Variants in CLYBL observed in about 807,000 individuals in gnomAD.
CLYBL encodes the protein citramalyl-CoA lyase, mitochondrial.
CLYBL carries 31 observed loss-of-function variants against 38.9 expected under a neutral mutation model. The observed-to-expected ratio is 0.80, with a 90% CI of 0.60 to 1.08. The LOEUF is 1.08. Ranked by LOEUF, CLYBL falls within the 50% of genes least tolerant of loss-of-function variation. The pLI, the probability that CLYBL is intolerant of heterozygous loss-of-function variation, is 0.00. For synonymous variants in CLYBL, 171 were observed against 158.6 expected (o/e 1.08, Z -0.59); for missense variants, 434 against 411.6 (o/e 1.05, Z -0.47).
intron 2 of CLYBL, among the ~76,000 whole-genome samples, chr13:99,797,526 T>A (rs970354846): frequency 6.9e-6 from 1 of 145,898 alleles, no homozygotes; most frequent in African/African-American, 2.6e-5. Flanking sequence ...TGTATTAATA[T>A]ATAAAAGATT....
rs57244403 is a variant in CLYBL, at chr13:99,613,025, GATAATA to G, written c.62+6303_62+6308del. ...GCAAAGCTCTATTAAAAATAGTGATGATAATAATAATAATAATAATAATAATAATAA... is the reference window on the plus strand; with the variant it reads ...GCAAAGCTCTATTAAAAATAGTGATGATAATAATAATAATAATAATAATAA... On this transcript the variant is annotated intron_variant, in intron 1 of 8. Transcript: ENST00000339105. Among the ~76,000 whole-genome samples, 315 of 44,624 alleles carry G rather than the reference GATAATA, an allele frequency of 7.1e-3. 2 individuals carry two copies. The highest frequency in any genetic ancestry group is 0.02 in the Middle Eastern group (1 of 50). 29.3% of individuals were successfully genotyped at this position (44,624 alleles called of 152,430 possible).
chr13:99,756,833 A>G (rs1225749033), intron 1 of CLYBL, among the ~76,000 whole-genome samples: 1 of 152,226 alleles, frequency 6.6e-6, no homozygotes, highest in Non-Finnish European at 1.5e-5. Context: ...ACTAAATTGT[A>G]TCTTCAAATG....
intron 1 of CLYBL, among the ~76,000 whole-genome samples, chr13:99,772,214 A>G (rs2049410654): frequency 6.6e-6 from 1 of 152,172 alleles, no homozygotes; most frequent in Non-Finnish European, 1.5e-5. Flanking sequence ...TGCTATCTAG[A>G]CAGTATAACA....
chr13:99,787,723 C>A (rs2049827547), intron 2 of CLYBL, among the ~76,000 whole-genome samples: 1 of 152,090 alleles, frequency 6.6e-6, no homozygotes, highest in Non-Finnish European at 1.5e-5. Context: ...GTAGTTTTTT[C>A]CAATTCTGTG....
chr13:99,891,479 C>T (rs2052488628), intron 8 of CLYBL, 42 bp downstream of exon 8: 1 of 1,143,028 alleles, frequency 8.7e-7, no homozygotes, highest in African/African-American at 1.5e-5. Flanking sequence ...AGACAAACCA[C>T]AATACTCAAA....
intron 1 of CLYBL, among the ~76,000 whole-genome samples, chr13:99,652,732 A>G (rs1291730063): frequency 6.6e-6 from 1 of 152,086 alleles, no homozygotes; most frequent in African/African-American, 2.4e-5. Flanking sequence ...GGCCTCTTTC[A>G]CCTCCATACT....
rs4001024 is a variant in CLYBL, at chr13:99,716,169, A to ATTT, written c.63-56619_63-56617dup. ...AAATTGTCCTTGCTTTATTGGTGTA[A>ATTT]TTTTTTTTTTTTTTTTTTTTTTTTT... On this transcript the variant is annotated intron_variant, in intron 1 of 8. Coordinates refer to ENST00000339105, the MANE Select transcript of CLYBL (RefSeq NM_206808.5). Among the ~76,000 whole-genome samples the ATTT allele has an allele frequency of 8.5e-3, 285 of 33,458 alleles. 107 individuals carry two copies. Among genetic ancestry groups the ATTT allele is most frequent in the Non-Finnish European group, 0.015 (239 of 16,378 alleles). The allele number at this position is 33,458 out of a possible 152,430, so 21.9% of individuals were successfully genotyped here.
At chr13:99,886,681 A>G (rs1666152449) in intron 7 of CLYBL, among the ~76,000 whole-genome samples, 1 of 152,236 alleles carries the variant, frequency 6.6e-6, no homozygotes, top group Non-Finnish European at 1.5e-5. Flanking sequence ...TGCTCTAGGT[A>G]CCCAATGTCG....
At chr13:99,738,586 C>T (rs1054889525) in intron 1 of CLYBL, among the ~76,000 whole-genome samples, 3 of 152,092 alleles carry the variant, frequency 2.0e-5, no homozygotes, top group African/African-American at 4.8e-5. Flanking sequence ...GCCTTGTGCT[C>T]AATGGTGATA....
intron 1 of CLYBL, among the ~76,000 whole-genome samples, chr13:99,651,574 A>C (rs1022314392): frequency 6.6e-6 from 1 of 150,790 alleles, no homozygotes; most frequent in African/African-American, 2.4e-5. Context: ...CGTCTCAAAA[A>C]AGAATTGAAT....
At chr13:99,793,068 A>ACACACACACACACACAC (rs1566329333) in intron 2 of CLYBL, among the ~76,000 whole-genome samples, 3 of 149,572 alleles carry the variant, frequency 2.0e-5, no homozygotes, top group East Asian at 1.9e-4. Flanking sequence ...ACACACACAC[A>ACACACACACACACACAC]AAGTACGTAG....
intron 1 of CLYBL, among the ~76,000 whole-genome samples, chr13:99,631,114 G>A (rs547721002): frequency 1.4e-3 from 216 of 152,310 alleles, no homozygotes; most frequent in African/African-American, 5.0e-3. Flanking sequence ...TTGAGCTCAG[G>A]AGTTCGAGAC....
At chr13:99,719,022 A>C (rs373472395) in intron 1 of CLYBL, among the ~76,000 whole-genome samples, 3 of 148,808 alleles carry the variant, frequency 2.0e-5, no homozygotes, top group African/African-American at 7.5e-5. Context: ...TTGTATTTTT[A>C]GTAGAGATTT....
chr13:99,642,679 A>G (rs984890681), intron 1 of CLYBL, among the ~76,000 whole-genome samples: 4 of 151,956 alleles, frequency 2.6e-5, no homozygotes, highest in Non-Finnish European at 4.4e-5. Context: ...CATTCTTCCC[A>G]AGTGCTGGGG....
intron 7 of CLYBL, among the ~76,000 whole-genome samples, chr13:99,872,679 T>G (rs2051937736): frequency 6.6e-6 from 1 of 152,162 alleles, no homozygotes; most frequent in South Asian, 2.1e-4. Context: ...CTATGACCCA[T>G]CCCAGCTGGG....
At chr13:99,743,056 T>C (rs1192229335) in intron 1 of CLYBL, among the ~76,000 whole-genome samples, 3 of 151,900 alleles carry the variant, frequency 2.0e-5, no homozygotes, top group East Asian at 1.9e-4. Context: ...TTTTCTTTTT[T>C]TTTTTTCTTT....
intron 1 of CLYBL, among the ~76,000 whole-genome samples, chr13:99,724,387 G>A (rs188806812): frequency 7.2e-4 from 109 of 152,150 alleles, no homozygotes; most frequent in Non-Finnish European, 1.4e-3. Flanking sequence ...TTAAACCGAA[G>A]CGTGGAATCA....
At chr13:99,820,840 C>T (rs372606556) in intron 2 of CLYBL, among the ~76,000 whole-genome samples, 1 of 152,110 alleles carries the variant, frequency 6.6e-6, no homozygotes, top group African/African-American at 2.4e-5. Flanking sequence ...TTATCGTGAG[C>T]GTCCATCCTG....
intron 1 of CLYBL, among the ~76,000 whole-genome samples, chr13:99,741,210 C>G (rs1454661897): frequency 6.6e-6 from 1 of 152,194 alleles, no homozygotes; most frequent in Non-Finnish European, 1.5e-5. Context: ...ACAGATACTT[C>G]AGTGGCACAA....
Sources: gnomAD v4.1 joint callset for allele counts (sites outside exome capture counted in the v4.1 genomes callset) on GRCh38, gnomAD v4.1.1 for gene constraint, MANE v1.5 for transcripts, NCBI Gene and HGNC (gene_info 2026-07-23, HGNC 2026-07-21) for gene names.